Variants in CNTNAP5 observed in about 807,000 individuals in gnomAD.
The protein encoded by CNTNAP5 is contactin associated protein family member 5, also known as contactin-associated protein-like 5.
In CNTNAP5, 72 loss-of-function variants were observed where a neutral mutation model predicts 150.2. The observed-to-expected ratio is 0.48, with a 90% CI of 0.40 to 0.58. The LOEUF is 0.58. CNTNAP5 is among the 20% of genes least tolerant of loss of function. CNTNAP5 has a pLI of 0.00. For missense variants in CNTNAP5, 1,636 were observed against 1,626.2 expected (o/e 1.01, Z -0.10); for synonymous variants, 672 against 619.8 (o/e 1.08, Z -1.25).
intron 3 of CNTNAP5, among the ~76,000 whole-genome samples, chr2:124,263,082 C>T (rs1558824950): frequency 6.6e-6 from 1 of 152,136 alleles, no homozygotes. Context: ...CAAGTCTTTG[C>T]TATTGTGAAT....
intron 3 of CNTNAP5, among the ~76,000 whole-genome samples, chr2:124,289,580 C>T (rs1025729675): frequency 6.6e-6 from 1 of 152,184 alleles, no homozygotes; most frequent in African/African-American, 2.4e-5. Flanking sequence ...GAAATCTATA[C>T]ATTTATAACC....
chr2:124,028,370 C>T (rs1680955994), intron 1 of CNTNAP5, among the ~76,000 whole-genome samples: 1 of 151,782 alleles, frequency 6.6e-6, no homozygotes, highest in African/African-American at 2.4e-5. Context: ...GAAACCTGGG[C>T]TTTTAACTTC....
chr2:124,461,967 GA>G (rs1035908936), intron 6 of CNTNAP5, among the ~76,000 whole-genome samples: 3 of 150,296 alleles, frequency 2.0e-5, no homozygotes, highest in Non-Finnish European at 3.0e-5. Context: ...AGTTCACTAA[GA>G]AAAAAAATAA....
At chr2:124,417,334 T>G in intron 3 of CNTNAP5, 109 bp from the exon 4 acceptor site, 5 of 1,108,260 alleles carry the variant, frequency 4.5e-6, no homozygotes, top group Non-Finnish European at 5.2e-6. Flanking sequence ...TTGAAATACG[T>G]GAGAAATTAG....
At chr2:124,567,835 TGATAGATA>T (rs10685444) in intron 11 of CNTNAP5, among the ~76,000 whole-genome samples, 4,287 of 132,856 alleles carry the variant, frequency 0.032, 78 homozygotes, top group Non-Finnish European at 0.047. Flanking sequence ...AGGGCATAGA[TGATAGATA>T]GATAGATAGA....
At chr2:124,065,720 T>G (rs1196904623) in intron 1 of CNTNAP5, among the ~76,000 whole-genome samples, 1 of 151,982 alleles carries the variant, frequency 6.6e-6, no homozygotes, top group South Asian at 2.1e-4. Flanking sequence ...CCAACAGAAA[T>G]AGGAATTCAA....
chr2:124,732,334 A>G (rs917854861), intron 13 of CNTNAP5, among the ~76,000 whole-genome samples: 1 of 152,158 alleles, frequency 6.6e-6, no homozygotes, highest in African/African-American at 2.4e-5. Context: ...TCATATTCCT[A>G]TGGTATGAAT....
At chr2:124,736,361 T>C in intron 13 of CNTNAP5, among the ~76,000 whole-genome samples, 1 of 152,240 alleles carries the variant, frequency 6.6e-6, no homozygotes, top group East Asian at 1.9e-4. Context: ...ACGTCAAATT[T>C]ATTTCATTCT....
At chr2:124,142,544 A>C (rs1431480107) in intron 1 of CNTNAP5, among the ~76,000 whole-genome samples, 2 of 140,126 alleles carry the variant, frequency 1.4e-5, no homozygotes, top group Non-Finnish European at 3.1e-5. Flanking sequence ...TGACTACTGG[A>C]TACATAACGA....
rs35107442 is a variant in CNTNAP5 at position 124,392,687 on chromosome 2, CAAAAAAAAAA to C, written c.382-24742_382-24733del. 2.8e-4 allele frequency among the ~76,000 whole-genome samples: 19 copies of C among 68,790 alleles called. No homozygotes were observed. In the East Asian group the frequency reaches 6.4e-3, roughly 23 times the overall value. The allele number at this position is 68,790 out of a possible 152,430, so 45.1% of individuals were successfully genotyped here. Reference sequence around the variant, plus strand: ...TGATTTGCATTTTGTTTTTCTTTGCCAAAAAAAAAAAAAAAAAAAAAAAGGAAAAGAAGGA... The same window carrying C: ...TGATTTGCATTTTGTTTTTCTTTGCCAAAAAAAAAAAAAGGAAAAGAAGGA... On this transcript the variant is annotated intron_variant, in intron 3 of 23. Coordinates refer to ENST00000682447, the MANE Select transcript of CNTNAP5 (RefSeq NM_001367498.1).
chr2:124,060,662 T>C (rs894099701), intron 1 of CNTNAP5, among the ~76,000 whole-genome samples: 1 of 152,194 alleles, frequency 6.6e-6, no homozygotes, highest in South Asian at 2.1e-4. Context: ...GGAATACTTC[T>C]AAGCGTCTTT....
chr2:124,818,197 A>T (rs747785323), intron 19 of CNTNAP5, among the ~76,000 whole-genome samples: 5 of 152,096 alleles, frequency 3.3e-5, no homozygotes, highest in Non-Finnish European at 5.9e-5. Flanking sequence ...ATTCAGAAAC[A>T]TACTATATTT....
At chr2:124,748,444 G>A (rs1439287142) in intron 14 of CNTNAP5, among the ~76,000 whole-genome samples, 2 of 152,112 alleles carry the variant, frequency 1.3e-5, no homozygotes, top group African/African-American at 4.8e-5. Context: ...GTTTTTTACT[G>A]TATTGATTGT....
At chr2:124,320,451 C>A (rs1235863243) in intron 3 of CNTNAP5, among the ~76,000 whole-genome samples, 1 of 152,136 alleles carries the variant, frequency 6.6e-6, no homozygotes, top group Non-Finnish European at 1.5e-5. Flanking sequence ...ATAGTGTGAC[C>A]TCAGACATCT....
chr2:124,606,506 T>C (rs772116678), intron 11 of CNTNAP5, among the ~76,000 whole-genome samples: 44 of 151,992 alleles, frequency 2.9e-4, no homozygotes, highest in Non-Finnish European at 3.7e-4. Flanking sequence ...CCAAGGCTTG[T>C]GGTTTATGAT....
intron 13 of CNTNAP5, among the ~76,000 whole-genome samples, chr2:124,723,418 C>G (rs1260875895): frequency 6.6e-6 from 1 of 152,168 alleles, no homozygotes; most frequent in East Asian, 1.9e-4. Context: ...TACCAAAAGT[C>G]TCTTCAAGAC....
intron 5 of CNTNAP5, among the ~76,000 whole-genome samples, chr2:124,444,255 C>A (rs1240048116): frequency 2.0e-5 from 3 of 152,026 alleles, no homozygotes; most frequent in African/African-American, 7.2e-5. Flanking sequence ...GCCAGTCTTA[C>A]CTTCTAATCC....
intron 3 of CNTNAP5, among the ~76,000 whole-genome samples, chr2:124,388,751 A>C (rs1690999891): frequency 6.6e-6 from 1 of 151,852 alleles, no homozygotes; most frequent in African/African-American, 2.4e-5. Flanking sequence ...GTGAGACTCC[A>C]CTGGCTTCAA....
At chr2:124,223,757 C>A (rs368068266) in intron 2 of CNTNAP5, among the ~76,000 whole-genome samples, 1 of 151,382 alleles carries the variant, frequency 6.6e-6, no homozygotes, top group Non-Finnish European at 1.5e-5. Context: ...TTCGGCTCAC[C>A]GGGGAATTTG....
Sources: allele counts gnomAD v4.1 joint callset (sites outside exome capture counted in the v4.1 genomes callset), GRCh38; gene constraint gnomAD v4.1.1; transcripts MANE v1.5; gene names NCBI Gene and HGNC (gene_info 2026-07-23, HGNC 2026-07-21).